POU2F2: variants seen among roughly 807,000 people sequenced by gnomAD.
POU2F2 encodes POU class 2 homeobox 2.
Under a neutral mutation model 63.5 loss-of-function variants are expected in POU2F2, and 14 were observed. The ratio of observed to expected loss-of-function variants is 0.22; its 90% CI spans 0.15 to 0.34. POU2F2 has a LOEUF of 0.34. POU2F2 is among the 10% of genes least tolerant of loss of function. POU2F2 has a pLI of 1.00. For missense variants in POU2F2, 607 were observed against 815.2 expected (o/e 0.74, Z 3.11); for synonymous variants, 306 against 348.6 (o/e 0.88, Z 1.36).
In POU2F2 at chr19:42,095,985, G is replaced by C; in HGVS notation, c.730-56C>G. On this transcript the variant is annotated intron_variant, in intron 8 of 14. Transcript: ENST00000692977. The surrounding 1 kb of genome is among the most constrained non-coding windows in gnomAD (Gnocchi z 7.1). ...GTCAGGGTGGGGCCTTCCGGCACTG[G>C]GCCCGCTCCGCCCGCCCACTGGCCA... 6.2e-7 allele frequency: 1 copy of C among 1,602,906 alleles called. No individual in the cohort carries two copies. The highest frequency in any genetic ancestry group is 8.5e-7 in the Non-Finnish European group (1 of 1,175,130).
At chr19:42,111,257 C>T (rs950350328) in intron 5 of POU2F2, among the ~76,000 whole-genome samples, 1 of 151,956 alleles carries the variant, frequency 6.6e-6, no homozygotes, top group Non-Finnish European at 1.5e-5. Flanking sequence ...AGCTTGGGGG[C>T]TATGGGCATG....
In POU2F2 at chr19:42,181,665, C is replaced by T. The variant is rs551560656; in HGVS notation, c.-70+14718G>A. On this transcript the variant is annotated intron_variant, in intron 1 of 5. Transcript: ENST00000532176. The stretch of plus-strand genomic sequence containing the variant: ...GCAGTGGCACAATCTCGGCTCTCTG[C>T]AACCTCTGCCTCCCGGGTTCAAGCT... Among the ~76,000 whole-genome samples, 3 of 152,198 alleles carry T rather than the reference C, an allele frequency of 2.0e-5. No individual in the cohort carries two copies. In the South Asian group the frequency reaches 6.2e-4, roughly 32 times the overall value.
intron 1 of POU2F2, among the ~76,000 whole-genome samples, chr19:42,175,658 G>A (rs2034859697): frequency 6.6e-6 from 1 of 152,086 alleles, no homozygotes; most frequent in Non-Finnish European, 1.5e-5. Flanking sequence ...TAAAGGAGCT[G>A]AGAAAGGACA....
chr19:42,105,853 C>T (rs2077315163), intron 5 of POU2F2, among the ~76,000 whole-genome samples: 1 of 151,990 alleles, frequency 6.6e-6, no homozygotes, highest in Non-Finnish European at 1.5e-5. Flanking sequence ...ATCCATTCGC[C>T]CCCAGGCAGG....
intron 5 of POU2F2, among the ~76,000 whole-genome samples, chr19:42,111,939 G>A (rs974629317): frequency 2.0e-5 from 3 of 152,224 alleles, no homozygotes; most frequent in Non-Finnish European, 2.9e-5. Flanking sequence ...CCCAGTGGTT[G>A]GCCCTGTGAC....
chr19:42,139,970 A>T (rs1027050430), intron 2 of POU2F2, among the ~76,000 whole-genome samples: 18 of 152,216 alleles, frequency 1.2e-4, no homozygotes, highest in African/African-American at 4.1e-4. Context: ...TCACACAATG[A>T]GGCTGGAGTG....
chr19:42,148,039 A>G (rs932732859), intron 2 of POU2F2, among the ~76,000 whole-genome samples: 1 of 152,188 alleles, frequency 6.6e-6, no homozygotes, highest in Admixed American at 6.5e-5. Context: ...CAAAATGGTC[A>G]TTGCAGGAGA....
At chr19:42,150,365 G>T (rs2034317303) in intron 2 of POU2F2, among the ~76,000 whole-genome samples, 1 of 150,708 alleles carries the variant, frequency 6.6e-6, no homozygotes, top group African/African-American at 2.4e-5. Context: ...AAGAGGAGGG[G>T]GTCTTGGTGA....
intron 2 of POU2F2, among the ~76,000 whole-genome samples, chr19:42,158,126 T>C (rs2034490921): frequency 6.6e-6 from 1 of 152,198 alleles, no homozygotes; most frequent in Non-Finnish European, 1.5e-5. Context: ...TTCAAAGATG[T>C]CTCCTCAGGA....
chr19:42,176,423 G>A (rs2034881301), upstream of POU2F2, among the ~76,000 whole-genome samples: 5 of 152,086 alleles, frequency 3.3e-5, no homozygotes, highest in African/African-American at 7.2e-5. Context: ...CTCTGCGGCC[G>A]TCAGGCTCTT....
chr19:42,135,511 T>C (rs2033988204), upstream of POU2F2, among the ~76,000 whole-genome samples: 1 of 152,094 alleles, frequency 6.6e-6, no homozygotes, highest in South Asian at 2.1e-4. Context: ...GAGATGTGTG[T>C]CTGCTCCTGC....
At chr19:42,178,257 C>G (rs2034919894), upstream of POU2F2, among the ~76,000 whole-genome samples, 1 of 151,444 alleles carries the variant, frequency 6.6e-6, no homozygotes, top group African/African-American at 2.4e-5. Flanking sequence ...GACAGAGATG[C>G]AGAGTCAGAA....
intron 1 of POU2F2, among the ~76,000 whole-genome samples, chr19:42,181,648 A>C (rs1326729279): frequency 6.6e-6 from 1 of 152,102 alleles, no homozygotes; most frequent in African/African-American, 2.4e-5. Context: ...CTGCAGTGGC[A>C]CAATCTCGGC....
At chr19:42,172,868 G>C (rs903068248) in intron 1 of POU2F2, among the ~76,000 whole-genome samples, 1 of 152,230 alleles carries the variant, frequency 6.6e-6, no homozygotes, top group African/African-American at 2.4e-5. Flanking sequence ...GAGGAAGTGG[G>C]GGAAGAGACA....
chr19:42,196,340 C>T (rs1185348183), intron 1 of POU2F2: 1 of 152,284 alleles, frequency 6.6e-6, no homozygotes, highest in Non-Finnish European at 1.5e-5. Flanking sequence ...GGGACAATGG[C>T]TGCTGACCCT....
At chr19:42,128,314 C>T (rs1418147590) in intron 1 of POU2F2, among the ~76,000 whole-genome samples, 1 of 152,216 alleles carries the variant, frequency 6.6e-6, no homozygotes, top group East Asian at 1.9e-4. Context: ...GAAACCCTAA[C>T]TTAAATCTTT....
At chr19:42,172,406 G>A (rs1018976594) in intron 1 of POU2F2, among the ~76,000 whole-genome samples, 1 of 152,088 alleles carries the variant, frequency 6.6e-6, no homozygotes, top group African/African-American at 2.4e-5. Context: ...GGAACTCACT[G>A]GACTTTATTT....
intron 5 of POU2F2, among the ~76,000 whole-genome samples, chr19:42,104,766 T>TG (rs1447444636): frequency 6.6e-6 from 1 of 152,182 alleles, no homozygotes; most frequent in Non-Finnish European, 1.5e-5. Context: ...AACATGTACC[T>TG]GGTCTGAGTA....
intron 1 of POU2F2, among the ~76,000 whole-genome samples, chr19:42,175,415 G>C (rs2034854337): frequency 6.6e-6 from 1 of 152,030 alleles, no homozygotes; most frequent in Non-Finnish European, 1.5e-5. Flanking sequence ...CTGAGGGAGG[G>C]GGTAGAAAGA....
Sources: allele counts gnomAD v4.1 joint callset (sites outside exome capture counted in the v4.1 genomes callset), GRCh38; gene constraint gnomAD v4.1.1; non-coding constraint Gnocchi (gnomAD v3.1); transcripts MANE v1.5; gene names NCBI Gene and HGNC (gene_info 2026-07-23, HGNC 2026-07-21).